Variants in TMEM184B observed in about 807,000 individuals in gnomAD.
TMEM184B encodes putative MAPK-activating protein FM08.
Under a neutral mutation model 41.8 loss-of-function variants are expected in TMEM184B, and 17 were observed. That is an observed-to-expected ratio of 0.41 (90% CI 0.28 to 0.61). The LOEUF is 0.61. Ranked by LOEUF, TMEM184B falls within the 20% of genes least tolerant of loss-of-function variation. TMEM184B has a pLI of 0.34. For missense variants in TMEM184B, 393 were observed against 557.8 expected, an observed-to-expected ratio of 0.70 and a Z score of 2.98; for synonymous variants, 240 against 229.5, an observed-to-expected ratio of 1.05 and a Z score of -0.41.
chr22:38,268,447 G>C (rs2092475262), intron 1 of TMEM184B, among the ~76,000 whole-genome samples: 1 of 151,380 alleles, frequency 6.6e-6, no homozygotes, highest in Admixed American at 6.6e-5. Flanking sequence ...ATTAGTACCT[G>C]CTTTTCCACA....
chr22:38,247,535 G>T (rs1000217663), intron 2 of TMEM184B, among the ~76,000 whole-genome samples: 1 of 152,218 alleles, frequency 6.6e-6, no homozygotes, highest in Middle Eastern at 3.2e-3. Context: ...ACGAGACAGA[G>T]GTTGCAGTGA....
intron 1 of TMEM184B, among the ~76,000 whole-genome samples, chr22:38,254,557 A>G (rs1436542795): frequency 2.0e-5 from 3 of 151,958 alleles, no homozygotes; most frequent in Non-Finnish European, 2.9e-5. Flanking sequence ...CTGAGATCAC[A>G]CCACCGCACT....
chr22:38,244,177 C>G (rs2091974646), intron 3 of TMEM184B, among the ~76,000 whole-genome samples: 2 of 152,046 alleles, frequency 1.3e-5, no homozygotes. Flanking sequence ...TTTCCTGTGC[C>G]CTATGAGTTC....
At chr22:38,248,890 G>A (rs2092100608) in intron 1 of TMEM184B, among the ~76,000 whole-genome samples, 1 of 152,134 alleles carries the variant, frequency 6.6e-6, no homozygotes, top group East Asian at 1.9e-4. Context: ...CTTAATGGCT[G>A]ACCCACTCCC....
At chr22:38,224,420 A>G (rs993563078) in intron 8 of TMEM184B, among the ~76,000 whole-genome samples, 6 of 152,176 alleles carry the variant, frequency 3.9e-5, no homozygotes, top group Middle Eastern at 3.2e-3. Context: ...GGCCAGAAGT[A>G]TCCTTTTTTT....
At chr22:38,252,288 T>C (rs1385079533) in intron 1 of TMEM184B, among the ~76,000 whole-genome samples, 1 of 152,172 alleles carries the variant, frequency 6.6e-6, no homozygotes, top group African/African-American at 2.4e-5. Flanking sequence ...CTCGAGCTCC[T>C]GGGCTCAAGC....
At chr22:38,263,883 C>A (rs2092406943) in intron 1 of TMEM184B, among the ~76,000 whole-genome samples, 1 of 152,230 alleles carries the variant, frequency 6.6e-6, no homozygotes, top group Admixed American at 6.5e-5. Context: ...CAGCTCACTG[C>A]AATCTTTGCC....
At position 38,239,741 on chromosome 22, in the gene TMEM184B, C is replaced by T. The variant is rs1300960561; in HGVS notation, c.358+6194G>A. ...AAAGACTAAGCCTGAATACGAAGGGCGAGAGGTCCTCTCAGATCTCTGCCA... is the reference window on the plus strand; with the variant it reads ...AAAGACTAAGCCTGAATACGAAGGGTGAGAGGTCCTCTCAGATCTCTGCCA... On this transcript the variant is annotated intron_variant, in intron 3 of 8. Coordinates refer to ENST00000361906, the MANE Select transcript of TMEM184B (RefSeq NM_012264.5). This position sits in a 1 kb window ranked among gnomAD's most constrained non-coding sequence, Gnocchi z 4.6. Among the ~76,000 whole-genome samples, 5 of 152,148 alleles carry T rather than the reference C, an allele frequency of 3.3e-5. No homozygotes were observed. The highest frequency in any genetic ancestry group is 9.7e-5 in the African/African-American group (4 of 41,432).
chr22:38,229,465 A>G (rs2091548051), intron 5 of TMEM184B, among the ~76,000 whole-genome samples: 1 of 152,252 alleles, frequency 6.6e-6, no homozygotes. Context: ...TAAGCCAATT[A>G]TCCAAGGTCA....
chr22:38,242,077 G>A (rs1160021270), intron 3 of TMEM184B, among the ~76,000 whole-genome samples: 4 of 151,998 alleles, frequency 2.6e-5, no homozygotes, highest in Non-Finnish European at 4.4e-5. Context: ...TCAGAGTGAG[G>A]AGTTAGGGGA....
Position 38,224,749 on chromosome 22 carries a change from C to T in TMEM184B, c.982+36G>A, listed in dbSNP as rs781237638. 4.7e-5 allele frequency: 72 copies of T among 1,533,468 alleles called. No homozygotes were observed. In the East Asian group the frequency reaches 1.7e-3, roughly 36 times the overall value. 95.0% of individuals were successfully genotyped at this position (1,533,468 alleles called of 1,614,324 possible). On this transcript the variant is annotated intron_variant, in intron 8 of 8. Transcript: ENST00000361906. The stretch of plus-strand genomic sequence containing the variant: ...CTGGGATGTTTGGGGCTCCCTGCTT[C>T]TCCCAGCGGGGGTCGCCTAGGACCC...
At chr22:38,248,618 C>A (rs2092093965) in intron 1 of TMEM184B, among the ~76,000 whole-genome samples, 1 of 152,240 alleles carries the variant, frequency 6.6e-6, no homozygotes, top group Admixed American at 6.5e-5. Context: ...GCACTCATTA[C>A]ATCGACACCA....
chr22:38,257,177 C>T (rs2145745455), intron 1 of TMEM184B, among the ~76,000 whole-genome samples: 1 of 151,944 alleles, frequency 6.6e-6, no homozygotes, highest in East Asian at 1.9e-4. Flanking sequence ...AAAAAAAAAT[C>T]CTCTCATAGC....
chr22:38,222,525 G>T (rs977639329), intron 8 of TMEM184B: 4 of 921,436 alleles, frequency 4.3e-6, no homozygotes, highest in Non-Finnish European at 5.2e-6. Context: ...TCCCACCCAG[G>T]GGGTGCCGGT....
downstream of TMEM184B, among the ~76,000 whole-genome samples, chr22:38,217,028 T>G (rs2091156962): frequency 6.7e-6 from 1 of 149,360 alleles, no homozygotes; most frequent in African/African-American, 2.5e-5. Flanking sequence ...TACAAGAAAT[T>G]TAAAAGTAAG....
Position 38,224,804 on chromosome 22 carries a change from G to T in TMEM184B, c.963C>A (p.Asp321Glu), listed in dbSNP as rs766209926. The change falls in exon 8 of 9, where the codon GAC becomes GAA. Residue 321 changes from aspartate to glutamate, a missense_variant. Around this residue, in one of 2 missense-constraint regions of TMEM184B, gnomAD observed 271 missense variants for 434.1 expected, o/e 0.62. Transcript: ENST00000361906. ...RHAFTYKVYA[D>E]KRLDAQGRCA... is the part of the protein sequence containing the mutation. ...TCATACCTTGTGCGTCCAGCCTCTT[G>T]TCAGCATAGACCTTGTAGGTGAAGG... 2.5e-6 allele frequency: 4 copies of T among 1,606,572 alleles called. No individual in the cohort carries two copies. The highest frequency in any genetic ancestry group is 3.4e-6 in the Non-Finnish European group (4 of 1,174,990).
chr22:38,252,689 A>AG (rs2092193812), intron 1 of TMEM184B, among the ~76,000 whole-genome samples: 1 of 152,180 alleles, frequency 6.6e-6, no homozygotes, highest in Non-Finnish European at 1.5e-5. Context: ...GGACATAACC[A>AG]GGCTTCTGCT....
intron 3 of TMEM184B, among the ~76,000 whole-genome samples, chr22:38,233,790 GAC>G (rs1233343698): frequency 6.6e-6 from 1 of 151,834 alleles, no homozygotes; most frequent in East Asian, 1.9e-4. Context: ...CTTTTTTTGA[GAC>G]AGAGTCTCGC....
At position 38,219,402 on chromosome 22, in the gene TMEM184B, T is replaced by G; in HGVS notation, c.*2067A>C. 1.0e-6 allele frequency: 1 copy of G among 985,882 alleles called. No individual in the cohort carries two copies. The highest frequency in any genetic ancestry group is 1.7e-5 in the African/African-American group (1 of 57,352). The allele number at this position is 985,882 out of a possible 1,614,324, so 61.1% of individuals were successfully genotyped here. A position where few individuals can be genotyped will look rare whatever the true frequency, so the allele number is the denominator to read the frequency against. On this transcript the variant is annotated 3_prime_UTR_variant, in exon 9 of 9. Coordinates refer to ENST00000361906, the MANE Select transcript of TMEM184B (RefSeq NM_012264.5). Reference sequence around the variant, plus strand: ...CAGAGACCAAAATAGAGTGGCTTTCTGGTGGAACTCATGGCAGTCATACAA... The same window carrying G: ...CAGAGACCAAAATAGAGTGGCTTTCGGGTGGAACTCATGGCAGTCATACAA...
Sources: gnomAD v4.1 joint callset for allele counts (sites outside exome capture counted in the v4.1 genomes callset) on GRCh38, gnomAD v4.1.1 for gene constraint, gnomAD v4.1.1 regional missense constraint, Gnocchi (gnomAD v3.1) non-coding constraint, MANE v1.5 for transcripts, NCBI Gene and HGNC (gene_info 2026-07-23, HGNC 2026-07-21) for gene names.